SHISA9: variants seen among roughly 807,000 people sequenced by gnomAD.
SHISA9 encodes protein shisa-9.
Under a neutral mutation model 38.0 loss-of-function variants are expected in SHISA9, and 13 were observed. That is an observed-to-expected ratio of 0.34 (90% CI 0.22 to 0.54). SHISA9 has a LOEUF of 0.54. SHISA9 is among the 20% of genes least tolerant of loss of function. SHISA9 has a pLI of 0.91. For synonymous variants in SHISA9, 275 were observed against 242.0 expected (o/e 1.14, Z -1.27); for missense variants, 538 against 575.8 (o/e 0.93, Z 0.67).
chr16:12,930,814 T>C (rs999440884), intron 2 of SHISA9, among the ~76,000 whole-genome samples: 6 of 151,946 alleles, frequency 3.9e-5, no homozygotes, highest in African/African-American at 1.5e-4. Context: ...TAAAAGAAAG[T>C]CTTAAAACAC....
chr16:13,434,198 T>C, the SHISA9 span, among the ~76,000 whole-genome samples: 7,016 of 152,180 alleles, frequency 0.046, 589 homozygotes, highest in African/African-American at 0.16. Context: ...GTCTACTCTT[T>C]CCACATTCCT....
chr16:13,400,083 A>G, the SHISA9 span, among the ~76,000 whole-genome samples: 1 of 152,206 alleles, frequency 6.6e-6, no homozygotes, highest in Non-Finnish European at 1.5e-5. Flanking sequence ...TTACTTTTAC[A>G]GTCCATGGAA....
At chr16:13,382,363 A>C in the SHISA9 span, among the ~76,000 whole-genome samples, 1 of 151,872 alleles carries the variant, frequency 6.6e-6, no homozygotes, top group Non-Finnish European at 1.5e-5. Context: ...CCCCGTCTCT[A>C]CTAAAAATAC....
chr16:13,220,908 G>A (rs2051217609), intron 4 of SHISA9, among the ~76,000 whole-genome samples: 1 of 152,144 alleles, frequency 6.6e-6, no homozygotes, highest in African/African-American at 2.4e-5. Flanking sequence ...CCACAACAAA[G>A]GGGGCCCATG....
the SHISA9 span, among the ~76,000 whole-genome samples, chr16:13,469,214 C>A: frequency 1.3e-5 from 2 of 149,060 alleles, no homozygotes; most frequent in Non-Finnish European, 3.0e-5. Context: ...TGCACTCCAA[C>A]CTGGGCAACA....
intron 2 of SHISA9, among the ~76,000 whole-genome samples, chr16:12,952,375 A>G (rs2071769605): frequency 6.6e-6 from 1 of 152,208 alleles, no homozygotes; most frequent in Non-Finnish European, 1.5e-5. Context: ...AGGGCCCTTC[A>G]GCTGACGTGT....
intron 1 of SHISA9, among the ~76,000 whole-genome samples, chr16:12,903,200 CT>C (rs2071044614): frequency 6.6e-6 from 1 of 152,176 alleles, no homozygotes; most frequent in Non-Finnish European, 1.5e-5. Context: ...GGCCGCCTCG[CT>C]TTCCCAGAGC....
intron 2 of SHISA9, among the ~76,000 whole-genome samples, chr16:13,080,142 G>C (rs2073631032): frequency 6.6e-6 from 1 of 152,068 alleles, no homozygotes; most frequent in Admixed American, 6.6e-5. Context: ...GGGAGGCCGA[G>C]GCAGGAGGAT....
intron 2 of SHISA9, among the ~76,000 whole-genome samples, chr16:13,074,353 C>G (rs917227678): frequency 6.6e-6 from 1 of 152,134 alleles, no homozygotes; most frequent in Non-Finnish European, 1.5e-5. Context: ...CCAGGTGGTT[C>G]TGATTCACAA....
At chr16:13,040,996 C>G (rs118157609) in intron 2 of SHISA9, among the ~76,000 whole-genome samples, 1 of 152,276 alleles carries the variant, frequency 6.6e-6, no homozygotes, top group South Asian at 2.1e-4. Flanking sequence ...CAGAGGGTTC[C>G]TGCAGTAGAC....
chr16:13,331,154 T>C, the SHISA9 span, among the ~76,000 whole-genome samples: 1 of 152,028 alleles, frequency 6.6e-6, no homozygotes, highest in Non-Finnish European at 1.5e-5. Flanking sequence ...ATAACAATGG[T>C]GCTAGACCCA....
At chr16:13,194,912 G>A (rs1474624817) in intron 2 of SHISA9, among the ~76,000 whole-genome samples, 3 of 152,116 alleles carry the variant, frequency 2.0e-5, no homozygotes, top group South Asian at 4.1e-4. Flanking sequence ...TCTTGGAGTG[G>A]GAGGTTACAG....
At position 13,238,996 on chromosome 16, in the gene SHISA9, C is replaced by T. The variant is rs2051412796; in HGVS notation, c.*3587C>T. ...GCTATCCCTCCCCCCTCCCCCCACC[C>T]CACAACAGTCCCCAGAGTGTGATGT... On this transcript the variant is annotated 3_prime_UTR_variant, in exon 5 of 5. Transcript: ENST00000558583. 9.3e-6 allele frequency: 1 copy of T among 107,408 alleles called. No homozygotes were observed. The highest frequency in any genetic ancestry group is 1.8e-5 in the Non-Finnish European group (1 of 55,550). The allele number at this position is 107,408 out of a possible 1,614,324, so 6.7% of individuals were successfully genotyped here.
chr16:13,310,063 T>C, the SHISA9 span, among the ~76,000 whole-genome samples: 43 of 152,176 alleles, frequency 2.8e-4, no homozygotes, highest in South Asian at 6.2e-4. Context: ...AATTTTTATA[T>C]TTTTAGTAGA....
At chr16:13,297,522 A>G in the SHISA9 span, among the ~76,000 whole-genome samples, 1 of 152,168 alleles carries the variant, frequency 6.6e-6, no homozygotes, top group East Asian at 1.9e-4. Flanking sequence ...AAAGTGGAAG[A>G]TACCTGAGTG....
At chr16:13,436,164 G>A in the SHISA9 span, among the ~76,000 whole-genome samples, 128 of 152,278 alleles carry the variant, frequency 8.4e-4, no homozygotes, top group African/African-American at 3.0e-3. Context: ...ATTCCCAGGA[G>A]GTTAGGCATT....
At chr16:13,309,815 A>T in the SHISA9 span, among the ~76,000 whole-genome samples, 1 of 152,070 alleles carries the variant, frequency 6.6e-6, no homozygotes. Flanking sequence ...ACCTAAAACA[A>T]CAAACAAACA....
At chr16:13,041,460 T>C in intron 2 of SHISA9, among the ~76,000 whole-genome samples, 1 of 152,218 alleles carries the variant, frequency 6.6e-6, no homozygotes, top group East Asian at 1.9e-4. Context: ...CTTTGGCTGT[T>C]CTATTCCCTG....
chr16:13,366,680 AAAAATAAAAT>A, the SHISA9 span, among the ~76,000 whole-genome samples: 3 of 151,740 alleles, frequency 2.0e-5, no homozygotes, highest in Admixed American at 1.3e-4. Flanking sequence ...CTGTCTCTAC[AAAAATAAAAT>A]AAAATAAAAT....
Sources: gnomAD v4.1 joint callset for allele counts (sites outside exome capture counted in the v4.1 genomes callset) on GRCh38, gnomAD v4.1.1 for gene constraint, MANE v1.5 for transcripts, NCBI Gene and HGNC (gene_info 2026-07-23, HGNC 2026-07-21) for gene names.